CC2D2A: variants seen among roughly 807,000 people sequenced by gnomAD.
The protein encoded by CC2D2A is coiled-coil and C2 domain-containing protein 2A.
CC2D2A carries 155 observed loss-of-function variants against 212.9 expected under a neutral mutation model. The observed-to-expected ratio is 0.73, with a 90% CI of 0.64 to 0.83. CC2D2A has a LOEUF of 0.83. CC2D2A is among the 40% of genes least tolerant of loss of function. The pLI, the probability that CC2D2A is intolerant of heterozygous loss-of-function variation, is 0.00. For missense variants in CC2D2A, 1,856 were observed against 1,956.2 expected (o/e 0.95, Z 0.97); for synonymous variants, 667 against 686.5 (o/e 0.97, Z 0.44).
intron 11 of CC2D2A, among the ~76,000 whole-genome samples, chr4:15,521,812 C>T (rs1410095025): frequency 6.6e-6 from 1 of 152,246 alleles, no homozygotes; most frequent in African/African-American, 2.4e-5. Context: ...TCTGACTCAG[C>T]TGTCTATCCT....
At chr4:15,512,173 G>C (rs1377824803) in intron 8 of CC2D2A, among the ~76,000 whole-genome samples, 1 of 152,226 alleles carries the variant, frequency 6.6e-6, no homozygotes, top group Admixed American at 6.5e-5. Context: ...GTTAACCACA[G>C]ATTTACAATA....
chr4:15,545,646 G>C (rs1211814486), intron 17 of CC2D2A, among the ~76,000 whole-genome samples: 4 of 152,102 alleles, frequency 2.6e-5, no homozygotes, highest in African/African-American at 9.7e-5. Context: ...CAAGCAGAAG[G>C]TAAGTCCAAA....
At chr4:15,522,850 G>A (rs1177200962) in intron 11 of CC2D2A, among the ~76,000 whole-genome samples, 2 of 152,220 alleles carry the variant, frequency 1.3e-5, no homozygotes, top group East Asian at 3.9e-4. Flanking sequence ...CCGGCGCAGT[G>A]GCTCACACCT....
intron 4 of CC2D2A, among the ~76,000 whole-genome samples, chr4:15,486,945 T>C (rs1715034977): frequency 6.6e-6 from 1 of 152,042 alleles, no homozygotes; most frequent in African/African-American, 2.4e-5. Flanking sequence ...TATGAATTTG[T>C]AGAGTTTTCA....
At chr4:15,532,270 T>A (rs1349026625) in intron 13 of CC2D2A, among the ~76,000 whole-genome samples, 1 of 152,206 alleles carries the variant, frequency 6.6e-6, no homozygotes, top group Non-Finnish European at 1.5e-5. Context: ...TTTTCTGCCA[T>A]CTTCCTTTTC....
chr4:15,481,874 A>T (rs1714688759), intron 4 of CC2D2A: 2 of 985,276 alleles, frequency 2.0e-6, no homozygotes, highest in Non-Finnish European at 2.4e-6. Context: ...CTTGAATCAG[A>T]TGTTTGGAAG....
intron 6 of CC2D2A, among the ~76,000 whole-genome samples, 194 bp from the exon 7 acceptor site, chr4:15,509,945 G>A (rs143103640): frequency 2.9e-3 from 435 of 152,358 alleles, no homozygotes; most frequent in African/African-American, 9.9e-3. Flanking sequence ...CGTCATGCAT[G>A]CAGTTCTACA....
intron 31 of CC2D2A, among the ~76,000 whole-genome samples, chr4:15,587,280 G>T (rs1720892886): frequency 6.6e-6 from 1 of 152,192 alleles, no homozygotes; most frequent in Non-Finnish European, 1.5e-5. Flanking sequence ...GGTAATGCTT[G>T]TTCACCTGCT....
rs1427275357 is a variant in CC2D2A, at chr4:15,570,497, G to T, written c.3594+1G>T. 1 of 1,585,692 alleles carries T rather than the reference G, an allele frequency of 6.3e-7. No homozygotes were observed. Among genetic ancestry groups the T allele is most frequent in the Non-Finnish European group, 8.6e-7 (1 of 1,159,032 alleles). On this transcript the variant is annotated splice_donor_variant, in intron 28 of 36. Coordinates refer to ENST00000424120, the MANE Select transcript of CC2D2A (RefSeq NM_001378615.1). LOFTEE classifies it high-confidence loss of function. ...TAGCACAATATATTTCCAAGCAAGG[G>T]TAAGTATCTAAAGTTAGAGGTCCAT...
chr4:15,551,012 T>C (rs1342832161), intron 18 of CC2D2A, 32 bp downstream of exon 18: 12 of 1,521,208 alleles, frequency 7.9e-6, no homozygotes, highest in Non-Finnish European at 1.1e-5. Flanking sequence ...AATGGTTCAC[T>C]GTTTCATTGT....
intron 1 of CC2D2A, among the ~76,000 whole-genome samples, chr4:15,471,366 GTTGAAGAT>G (rs1336944731): frequency 6.7e-6 from 1 of 148,890 alleles, no homozygotes. Flanking sequence ...GTAGCTGGGG[GTTGAAGAT>G]TGGAGCTGAA....
intron 28 of CC2D2A, among the ~76,000 whole-genome samples, chr4:15,573,023 A>T (rs935558862): frequency 6.6e-6 from 1 of 152,162 alleles, no homozygotes; most frequent in African/African-American, 2.4e-5. Flanking sequence ...TCTCCTAGCC[A>T]TGCTGGCAGC....
intron 36 of CC2D2A, among the ~76,000 whole-genome samples, chr4:15,600,903 C>CAAAAAA (rs5856308): frequency 1.1e-5 from 1 of 93,008 alleles, no homozygotes; most frequent in Non-Finnish European, 2.2e-5. Context: ...AGACCTGTCT[C>CAAAAAA]AAAAAAAAAA....
chr4:15,589,395 A>C (rs1720992664), intron 32 of CC2D2A, 150 bp from the exon 33 acceptor site: 2 of 726,704 alleles, frequency 2.8e-6, no homozygotes, highest in Non-Finnish European at 4.3e-6. Flanking sequence ...AATTCAGCAT[A>C]ACCTAGAACT....
At chr4:15,516,426 T>A (rs890688978) in intron 10 of CC2D2A, among the ~76,000 whole-genome samples, 199 bp from the exon 11 acceptor site, 1 of 152,190 alleles carries the variant, frequency 6.6e-6, no homozygotes, top group Non-Finnish European at 1.5e-5. Flanking sequence ...AGCCAGGGTG[T>A]ATATTTTAAA....
chr4:15,570,320 G>C (rs1227384553), intron 27 of CC2D2A, 78 bp from the exon 28 acceptor site: 1 of 830,650 alleles, frequency 1.2e-6, no homozygotes, highest in Non-Finnish European at 1.9e-6. Context: ...CTAAAATCTT[G>C]CTGCTTTCCT....
chr4:15,547,280 A>G (rs1011506352), intron 17 of CC2D2A, among the ~76,000 whole-genome samples: 34 of 152,320 alleles, frequency 2.2e-4, no homozygotes, highest in African/African-American at 8.2e-4. Flanking sequence ...TAGAATATCT[A>G]TTACCTCAAA....
At chr4:15,564,041 G>C in intron 24 of CC2D2A, 1 of 156,812 alleles carries the variant, frequency 6.4e-6, no homozygotes, top group South Asian at 1.9e-4. Context: ...GAGCTGGGGA[G>C]AGTCACAAAA....
At position 15,555,162 on chromosome 4, in the gene CC2D2A, G is replaced by C. The variant is rs1475453348; in HGVS notation, c.2577G>C (p.Lys859Asn). The C allele has an allele frequency of 6.2e-7, 1 of 1,613,784 alleles. No homozygotes were observed. The highest frequency in any genetic ancestry group is 8.5e-7 in the Non-Finnish European group (1 of 1,179,864). Reference sequence around the variant, plus strand: ...TGGCCAAGTGGGCAGCAGAGTCCAAGCTCGACCCAAATGACCCCAACAATG... The same window carrying C: ...TGGCCAAGTGGGCAGCAGAGTCCAACCTCGACCCAAATGACCCCAACAATG... ...KKLAKWAAES[K>N]LDPNDPNNAP... Residue 859 changes from lysine (K) to asparagine (N), a missense_variant, in exon 20 of 37, where the codon AAG (lysine) becomes AAC (asparagine). Lys to Asn is a moderately conservative substitution (Grantham distance 94). Around this residue, in one of 5 missense-constraint regions of CC2D2A, gnomAD observed 1,512 missense variants for 1,579.3 expected, o/e 0.96. Coordinates refer to ENST00000424120, the MANE Select transcript of CC2D2A (RefSeq NM_001378615.1).
Sources: gnomAD v4.1 joint callset for allele counts (sites outside exome capture counted in the v4.1 genomes callset) on GRCh38, gnomAD v4.1.1 for gene constraint, gnomAD v4.1.1 regional missense constraint, MANE v1.5 for transcripts, NCBI Gene and HGNC (gene_info 2026-07-23, HGNC 2026-07-21) for gene names.